Variants in PHACTR2 observed in about 807,000 individuals in gnomAD.
PHACTR2 encodes phosphatase and actin regulator 2, also known as chromosome 6 open reading frame 56.
In PHACTR2, 30 loss-of-function variants were observed where a neutral mutation model predicts 76.0. That is an observed-to-expected ratio of 0.39 (90% CI 0.30 to 0.54). The LOEUF (loss-of-function observed/expected upper bound fraction) is 0.54. PHACTR2 is among the 20% of genes least tolerant of loss of function. PHACTR2 has a pLI of 0.61. For missense variants in PHACTR2, 696 were observed against 781.1 expected (o/e 0.89, Z 1.30); for synonymous variants, 292 against 292.5 (o/e 1.00, Z 0.02).
chr6:143,669,447 G>T (rs931480310), intron 1 of PHACTR2, among the ~76,000 whole-genome samples: 1 of 152,188 alleles, frequency 6.6e-6, no homozygotes, highest in African/African-American at 2.4e-5. Flanking sequence ...CTGTCTCGTT[G>T]ATCTGTCCAA....
chr6:143,740,148 T>A (rs1046646896), intron 2 of PHACTR2, among the ~76,000 whole-genome samples: 2 of 152,148 alleles, frequency 1.3e-5, no homozygotes, highest in Admixed American at 1.3e-4. Flanking sequence ...TGCCTCCCCT[T>A]TTTAGACCGT....
intron 11 of PHACTR2, 61 bp downstream of exon 11, chr6:143,788,971 C>T: frequency 4.7e-6 from 7 of 1,479,198 alleles, no homozygotes; most frequent in Non-Finnish European, 6.6e-6. Context: ...CCAATATCCA[C>T]ATCCCCCCTA....
chr6:143,755,701 G>T lies in PHACTR2; in HGVS notation c.454+1789G>T, dbSNP rs1490902770. ...TGGATGCTGACATACCACTAAAGAGGCAGTGCGGCTGTCTCCTGTGTGGAA... is the reference window on the plus strand; with the variant it reads ...TGGATGCTGACATACCACTAAAGAGTCAGTGCGGCTGTCTCCTGTGTGGAA... On this transcript the variant is annotated intron_variant, in intron 4 of 12. Transcript: ENST00000440869. This position sits in a 1 kb window ranked among gnomAD's most constrained non-coding sequence, Gnocchi z 5.2. 1.3e-5 allele frequency among the ~76,000 whole-genome samples: 2 copies of T among 150,768 alleles called. No homozygotes were observed. The highest frequency in any genetic ancestry group is 2.9e-5 in the Non-Finnish European group (2 of 68,022).
chr6:143,550,600 C>G lies in PHACTR2; in HGVS notation c.217+13393C>G, dbSNP rs1047157717. 1.3e-5 allele frequency among the ~76,000 whole-genome samples: 2 copies of G among 151,924 alleles called. No individual in the cohort carries two copies. Among genetic ancestry groups the G allele is most frequent in the Admixed American group, 6.6e-5 (1 of 15,240 alleles). On this transcript the variant is annotated intron_variant, in intron 1 of 11. Transcript: ENST00000367584. The surrounding 1 kb of genome is among the most constrained non-coding windows in gnomAD (Gnocchi z 4.8). ...AGCATGGCTTTAGAACTTTTACCTA[C>G]AAAAAATATTTTGCTTCAAGAGTGT...
In PHACTR2 at chr6:143,765,649, A is replaced by T; in HGVS notation, c.1083A>T (p.Ser361=). The T allele has an allele frequency of 6.2e-7, 1 of 1,614,100 alleles. No homozygotes were observed. Among genetic ancestry groups the T allele is most frequent in the South Asian group, 1.1e-5 (1 of 91,076 alleles). ...TTGAGGATCAGTGCATTACTGCCTCAGACACTCCAGTTGTCCTCGTCAGCG... is the reference window on the plus strand; with the variant it reads ...TTGAGGATCAGTGCATTACTGCCTCTGACACTCCAGTTGTCCTCGTCAGCG... ...LPLEDQCITA[S]DTPVVLVSVG... is the part of the protein sequence containing the mutation. Residue 361 remains serine (S), a synonymous_variant, in exon 6 of 13, where the codon TCA becomes TCT. Transcript: ENST00000440869. This position sits in a 1 kb window ranked among gnomAD's most constrained non-coding sequence, Gnocchi z 4.1.
chr6:143,683,390 C>T lies in PHACTR2; in HGVS notation c.46+5181C>T, dbSNP rs1053468757. 6.6e-6 allele frequency among the ~76,000 whole-genome samples: 1 copy of T among 152,100 alleles called. No homozygotes were observed. Among genetic ancestry groups the T allele is most frequent in the Non-Finnish European group, 1.5e-5 (1 of 68,026 alleles). On this transcript the variant is annotated intron_variant, in intron 1 of 12. Transcript: ENST00000440869. This position sits in a 1 kb window ranked among gnomAD's most constrained non-coding sequence, Gnocchi z 4.1. ...GTCCAAGAATTACATTACTCTGGCT[C>T]TATTGTCTGAAGGGTGGTATCTGAA...
At chr6:143,703,371 CTT>C (rs1304913142) in intron 1 of PHACTR2, among the ~76,000 whole-genome samples, 1 of 151,960 alleles carries the variant, frequency 6.6e-6, no homozygotes, top group African/African-American at 2.4e-5. Context: ...TCGAAAAAAT[CTT>C]TTTGGAAAAT....
rs1776098664 is a variant in PHACTR2 at position 143,807,898 on chromosome 6, G to A, written c.1922+765G>A. Among the ~76,000 whole-genome samples, 1 of 152,176 alleles carries A rather than the reference G, an allele frequency of 6.6e-6. No homozygotes were observed. The highest frequency in any genetic ancestry group is 1.9e-4 in the East Asian group (1 of 5,192). On this transcript the variant is annotated intron_variant, in intron 12 of 12. Coordinates refer to ENST00000440869, the MANE Select transcript of PHACTR2 (RefSeq NM_001100164.2). This position sits in a 1 kb window ranked among gnomAD's most constrained non-coding sequence, Gnocchi z 5.5. ...GTGATGATGGTACTGTGTGCTGGGA[G>A]CATGTCACAATATAAAGGAAGTTGC... is the stretch of plus-strand genomic sequence containing the variant.
chr6:143,746,665 A>T (rs1779073944), intron 2 of PHACTR2, among the ~76,000 whole-genome samples: 1 of 152,170 alleles, frequency 6.6e-6, no homozygotes, highest in Non-Finnish European at 1.5e-5. Flanking sequence ...TGCAGTGGTC[A>T]AGGTCCTTCT....
intron 1 of PHACTR2, among the ~76,000 whole-genome samples, chr6:143,682,565 T>C (rs1301781776): frequency 6.6e-6 from 1 of 152,208 alleles, no homozygotes; most frequent in Non-Finnish European, 1.5e-5. Flanking sequence ...CCTTATGATT[T>C]TCTATATACA....
chr6:143,564,172 TGTGTGTGTGTATGTGTGTGTGTGC>T (rs1775324068), intron 1 of PHACTR2, among the ~76,000 whole-genome samples: 1 of 39,336 alleles, frequency 2.5e-5, no homozygotes, highest in Admixed American at 2.4e-4. Context: ...TGTGCATATA[TGTGTGTGTGTATGTGTGTGTGTGC>T]ATATATATAT....
rs1291590476 is a variant in PHACTR2, at chr6:143,700,601, G to A, written c.47-11415G>A. 1.3e-5 allele frequency among the ~76,000 whole-genome samples: 2 copies of A among 152,172 alleles called. No individual in the cohort carries two copies. The highest frequency in any genetic ancestry group is 1.3e-4 in the Admixed American group (2 of 15,276). On this transcript the variant is annotated intron_variant, in intron 1 of 12. Transcript: ENST00000440869. This position sits in a 1 kb window ranked among gnomAD's most constrained non-coding sequence, Gnocchi z 4.1. ...GCGAGAGGAGAACTGTGATATTTCA[G>A]TATATTTTATTTCACAAATTATATA...
rs1775019772 is a variant in PHACTR2, at chr6:143,547,626, G to C, written c.217+10419G>C. ...GAGAGGATTACTAAGTAATAGCAAG[G>C]GTTTGAACAAAATGAACAAATTTCT... is the stretch of plus-strand genomic sequence containing the variant. On this transcript the variant is annotated intron_variant, in intron 1 of 11. Coordinates refer to the PHACTR2 transcript ENST00000367584. The surrounding 1 kb of genome is among the most constrained non-coding windows in gnomAD (Gnocchi z 4.2). Among the ~76,000 whole-genome samples the C allele has an allele frequency of 6.6e-6, 1 of 152,136 alleles. No individual in the cohort carries two copies. The highest frequency in any genetic ancestry group is 2.4e-5 in the African/African-American group (1 of 41,416).
intron 1 of PHACTR2, among the ~76,000 whole-genome samples, chr6:143,544,253 G>GGAAGGAAGGGAGGGAGGGAGGGGAAA (rs111872744): frequency 1.4e-5 from 2 of 144,070 alleles, no homozygotes; most frequent in South Asian, 2.1e-4. Context: ...GGAGGGAGTG[G>GGAAGGAAGGGAGGGAGGGAGGGGAAA]GAAGGAAGGA....
chr6:143,723,223 A>T (rs1778482677), intron 2 of PHACTR2, among the ~76,000 whole-genome samples: 1 of 152,092 alleles, frequency 6.6e-6, no homozygotes, highest in South Asian at 2.1e-4. Context: ...TTCATATGTC[A>T]TGATCTCTAG....
At position 143,831,047 on chromosome 6, in the gene PHACTR2, C is replaced by T. The variant is rs1776657797; in HGVS notation, c.*7358C>T. On this transcript the variant is annotated 3_prime_UTR_variant, in exon 13 of 13. Transcript: ENST00000440869. The surrounding 1 kb of genome is among the most constrained non-coding windows in gnomAD (Gnocchi z 5.2). ...GAATTACTGCTCTTAAAAGAAACTTCCAGTATTTTTTTTAACTTGCTATCT... is the reference window on the plus strand; with the variant it reads ...GAATTACTGCTCTTAAAAGAAACTTTCAGTATTTTTTTTAACTTGCTATCT... 1 of 152,048 alleles carries T rather than the reference C, an allele frequency of 6.6e-6. No homozygotes were observed. The highest frequency in any genetic ancestry group is 1.5e-5 in the Non-Finnish European group (1 of 68,004). 9.4% of individuals were successfully genotyped at this position (152,048 alleles called of 1,614,324 possible). A position where few individuals can be genotyped will look rare whatever the true frequency, so the allele number is the denominator to read the frequency against.
Position 143,807,212 on chromosome 6 carries a change from G to T in PHACTR2, c.1922+79G>T, listed in dbSNP as rs1776085112. The stretch of plus-strand genomic sequence containing the variant: ...GTTGAGTTGGTTAAAAAAAGAAATT[G>T]CTTACAATGGTAAATTTTATGATAG... On this transcript the variant is annotated intron_variant, in intron 12 of 12. Transcript: ENST00000440869. This position sits in a 1 kb window ranked among gnomAD's most constrained non-coding sequence, Gnocchi z 5.5. 1.3e-6 allele frequency: 1 copy of T among 792,512 alleles called. No individual in the cohort carries two copies. The highest frequency in any genetic ancestry group is 1.6e-5 in the South Asian group (1 of 62,098). The allele number at this position is 792,512 out of a possible 1,614,324, so 49.1% of individuals were successfully genotyped here. A position where few individuals can be genotyped will look rare whatever the true frequency, so the allele number is the denominator to read the frequency against.
chr6:143,747,510 C>T (rs542001989), intron 2 of PHACTR2, among the ~76,000 whole-genome samples: 1 of 152,242 alleles, frequency 6.6e-6, no homozygotes, highest in Admixed American at 6.5e-5. Context: ...TCACCTGCTC[C>T]CTTTGGATGT....
rs1776590345 is a variant in PHACTR2, at chr6:143,828,453, C to T, written c.*4764C>T. 6.6e-6 allele frequency: 1 copy of T among 152,174 alleles called. No homozygotes were observed. The highest frequency in any genetic ancestry group is 1.5e-5 in the Non-Finnish European group (1 of 68,028). The allele number at this position is 152,174 out of a possible 1,614,324, so 9.4% of individuals were successfully genotyped here. On this transcript the variant is annotated 3_prime_UTR_variant, in exon 13 of 13. Coordinates refer to ENST00000440869, the MANE Select transcript of PHACTR2 (RefSeq NM_001100164.2). This position sits in a 1 kb window ranked among gnomAD's most constrained non-coding sequence, Gnocchi z 4.7. ...GAAATGCAAAGCACCATTAGCATTT[C>T]TAGAAAGCAGCTGGAACCTTACCCA...
Sources: gnomAD v4.1 joint callset for allele counts (sites outside exome capture counted in the v4.1 genomes callset) on GRCh38, gnomAD v4.1.1 for gene constraint, Gnocchi (gnomAD v3.1) non-coding constraint, MANE v1.5 for transcripts, NCBI Gene and HGNC (gene_info 2026-07-23, HGNC 2026-07-21) for gene names.